Variants in LHFPL3 observed in about 807,000 individuals in gnomAD.
The protein encoded by LHFPL3 is LHFPL tetraspan subfamily member 3 protein.
A neutral mutation model predicts 19.3 loss-of-function variants in LHFPL3; 5 were observed. The ratio of observed to expected loss-of-function variants is 0.26; its 90% CI spans 0.14 to 0.54. The LOEUF (loss-of-function observed/expected upper bound fraction) is 0.54, where lower values mean the gene tolerates loss of function less well. LHFPL3 is among the 20% of genes least tolerant of loss of function. The probability of loss-of-function intolerance (pLI) is 0.94; values close to 1 mark genes in which losing one functional copy is unlikely to be tolerated. For missense variants in LHFPL3, 249 were observed against 307.4 expected (o/e 0.81, Z 1.42); for synonymous variants, 133 against 126.2 (o/e 1.05, Z -0.36).
intron 1 of LHFPL3, among the ~76,000 whole-genome samples, chr7:104,445,209 T>C (rs182658836): frequency 6.6e-6 from 1 of 152,308 alleles, no homozygotes; most frequent in Non-Finnish European, 1.5e-5. Flanking sequence ...TTAAGTGCCT[T>C]ATGTTATGAA....
intron 2 of LHFPL3, among the ~76,000 whole-genome samples, chr7:104,902,608 G>A (rs1287053015): frequency 1.3e-5 from 2 of 151,824 alleles, no homozygotes; most frequent in African/African-American, 4.8e-5. Context: ...CCAACATGGT[G>A]AAACCCCATC....
At chr7:104,348,059 C>G (rs1182315575) in intron 1 of LHFPL3, among the ~76,000 whole-genome samples, 1 of 152,136 alleles carries the variant, frequency 6.6e-6, no homozygotes, top group Non-Finnish European at 1.5e-5. Context: ...AATGGGAGAT[C>G]GTATCATTTC....
At chr7:104,613,578 T>C (rs1791249174) in intron 1 of LHFPL3, among the ~76,000 whole-genome samples, 2 of 152,146 alleles carry the variant, frequency 1.3e-5, no homozygotes, top group South Asian at 4.1e-4. Context: ...CCTTTCAAAC[T>C]CAACCTAATT....
At chr7:104,509,620 G>A (rs1404949198) in intron 1 of LHFPL3, among the ~76,000 whole-genome samples, 1 of 151,918 alleles carries the variant, frequency 6.6e-6, no homozygotes, top group African/African-American at 2.4e-5. Flanking sequence ...AATCCTTACA[G>A]CTAGTATTAT....
chr7:104,574,005 T>G (rs758605619), intron 1 of LHFPL3, among the ~76,000 whole-genome samples: 1 of 152,214 alleles, frequency 6.6e-6, no homozygotes, highest in Non-Finnish European at 1.5e-5. Context: ...TAGGAGATTA[T>G]TGTGCTGCAG....
chr7:104,401,302 T>C (rs1460787923), intron 1 of LHFPL3, among the ~76,000 whole-genome samples: 2 of 152,210 alleles, frequency 1.3e-5, no homozygotes, highest in African/African-American at 2.4e-5. Flanking sequence ...GAGAAAAATA[T>C]TATTTTGTTC....
intron 1 of LHFPL3, among the ~76,000 whole-genome samples, chr7:104,562,192 T>C (rs1790019229): frequency 6.6e-6 from 1 of 151,948 alleles, no homozygotes; most frequent in South Asian, 2.1e-4. Flanking sequence ...AGTGTCTTTG[T>C]GGCGTTCTCT....
intron 1 of LHFPL3, among the ~76,000 whole-genome samples, chr7:104,484,635 C>A (rs1406321032): frequency 6.6e-6 from 1 of 152,104 alleles, no homozygotes; most frequent in Non-Finnish European, 1.5e-5. Flanking sequence ...TAACAGAATA[C>A]CTGAGACTGG....
intron 1 of LHFPL3, among the ~76,000 whole-genome samples, chr7:104,623,407 A>G (rs1242107384): frequency 1.3e-5 from 2 of 152,184 alleles, no homozygotes; most frequent in Non-Finnish European, 2.9e-5. Context: ...AGGCAGGTAG[A>G]TTACTTGAGG....
chr7:104,661,918 G>T (rs547966803), intron 1 of LHFPL3, among the ~76,000 whole-genome samples: 2 of 151,878 alleles, frequency 1.3e-5, no homozygotes, highest in South Asian at 4.2e-4. Flanking sequence ...GTAAAATAAG[G>T]GTTCCTTGAA....
intron 1 of LHFPL3, among the ~76,000 whole-genome samples, chr7:104,698,836 T>A (rs774992624): frequency 1.4e-4 from 21 of 152,152 alleles, no homozygotes; most frequent in African/African-American, 2.4e-4. Context: ...TATAAAGAAC[T>A]CCTACAACTT....
intron 1 of LHFPL3, among the ~76,000 whole-genome samples, chr7:104,676,914 T>G (rs1464540805): frequency 6.6e-6 from 1 of 152,166 alleles, no homozygotes; most frequent in Non-Finnish European, 1.5e-5. Context: ...AAACAGTCAT[T>G]GGTGAGGGCA....
intron 2 of LHFPL3, among the ~76,000 whole-genome samples, chr7:104,791,839 G>A (rs1362806187): frequency 6.6e-6 from 1 of 152,124 alleles, no homozygotes; most frequent in East Asian, 1.9e-4. Context: ...CACCTGGCCT[G>A]TCAAACTAGG....
intron 1 of LHFPL3, among the ~76,000 whole-genome samples, chr7:104,350,610 C>A (rs893460631): frequency 1.2e-4 from 19 of 152,154 alleles, no homozygotes; most frequent in Non-Finnish European, 2.5e-4. Flanking sequence ...AGCAGTGAAC[C>A]AAACAGATGG....
intron 1 of LHFPL3, among the ~76,000 whole-genome samples, chr7:104,609,736 A>G (rs752006358): frequency 1.3e-4 from 20 of 152,256 alleles, no homozygotes; most frequent in Non-Finnish European, 2.5e-4. Flanking sequence ...TAGTTAAAAC[A>G]AAACTGTCTA....
chr7:104,467,214 G>A (rs1792807009), intron 1 of LHFPL3, among the ~76,000 whole-genome samples: 1 of 152,108 alleles, frequency 6.6e-6, no homozygotes, highest in African/African-American at 2.4e-5. Context: ...AATGGGAGCG[G>A]GGCTGGTTCT....
chr7:104,493,038 A>T (rs1288341097), intron 1 of LHFPL3, among the ~76,000 whole-genome samples: 1 of 152,230 alleles, frequency 6.6e-6, no homozygotes, highest in Non-Finnish European at 1.5e-5. Context: ...CAAATTTCTG[A>T]AAAGAATAAT....
chr7:104,751,449 T>G (rs1242768919), intron 2 of LHFPL3, among the ~76,000 whole-genome samples: 1 of 149,292 alleles, frequency 6.7e-6, no homozygotes, highest in African/African-American at 2.4e-5. Context: ...TCATTTTGCA[T>G]TAATGCTTGT....
In LHFPL3 at chr7:104,900,698, G is replaced by A. The variant is rs143607684; in HGVS notation, c.683-5489G>A. ...GAGACATTTCAACATCTGTAAACACGTGGAAAATTCAGCCAAGTAGCATTT... is the reference window on the plus strand; with the variant it reads ...GAGACATTTCAACATCTGTAAACACATGGAAAATTCAGCCAAGTAGCATTT... On this transcript the variant is annotated intron_variant, in intron 2 of 2. Coordinates refer to ENST00000424859, the MANE Select transcript of LHFPL3 (RefSeq NM_199000.3). Among the ~76,000 whole-genome samples the A allele has an allele frequency of 3.9e-5, 6 of 152,266 alleles. No homozygotes were observed. In the East Asian group the frequency reaches 1.2e-3, roughly 29 times the overall value.
Sources: allele counts gnomAD v4.1 joint callset (sites outside exome capture counted in the v4.1 genomes callset), GRCh38; gene constraint gnomAD v4.1.1; transcripts MANE v1.5; gene names NCBI Gene and HGNC (gene_info 2026-07-23, HGNC 2026-07-21).